Variants in ZFAT observed in about 807,000 individuals in gnomAD.
ZFAT encodes zinc finger protein ZFAT.
Under a neutral mutation model 117.7 loss-of-function variants are expected in ZFAT, and 64 were observed. The ratio of observed to expected loss-of-function variants is 0.54; its 90% CI spans 0.44 to 0.67. The LOEUF (loss-of-function observed/expected upper bound fraction) is 0.67. Among genes scored for constraint, ZFAT ranks in the 30% least tolerant of loss-of-function variants. The probability of loss-of-function intolerance (pLI) is 0.00; values close to 1 mark genes in which losing one functional copy is unlikely to be tolerated. For missense variants in ZFAT, 1,433 were observed against 1,584.5 expected (o/e 0.90, Z 1.62); for synonymous variants, 679 against 615.0 (o/e 1.10, Z -1.54).
chr8:134,658,009 C>T (rs1045408186), intron 1 of ZFAT, among the ~76,000 whole-genome samples: 2 of 152,206 alleles, frequency 1.3e-5, no homozygotes, highest in Admixed American at 6.5e-5. Context: ...ATCTACTCAT[C>T]AGCCCAGATT....
upstream of ZFAT, chr8:134,713,066 G>A (rs904409486): frequency 1.9e-6 from 1 of 538,454 alleles, no homozygotes; most frequent in Non-Finnish European, 2.9e-6. Flanking sequence ...GGGCGCAGAC[G>A]CCTGCGTAGC....
intron 1 of ZFAT, among the ~76,000 whole-genome samples, chr8:134,705,519 C>A (rs867444051): frequency 1.3e-5 from 2 of 151,608 alleles, no homozygotes; most frequent in African/African-American, 4.8e-5. Context: ...ACTCAGCCCC[C>A]AATTTATTTT....
In ZFAT at chr8:134,600,417, GCTTGGGCTTGCTA is replaced by G. The variant is rs1563654322; in HGVS notation, c.2475+6_2475+18del. On this transcript the variant is annotated splice_donor_region_variant and intron_variant, in intron 7 of 15. Transcript: ENST00000377838. ...AGCACCCAGGGGAGACGGGGCTGCC[GCTTGGGCTTGCTA>G]CTTACCAGTGCTGTGTGAACTTTAA... is the stretch of plus-strand genomic sequence containing the variant. 1 of 1,607,914 alleles carries G rather than the reference GCTTGGGCTTGCTA, an allele frequency of 6.2e-7. No homozygotes were observed. The highest frequency in any genetic ancestry group is 1.1e-5 in the South Asian group (1 of 90,938).
chr8:134,674,825 G>T, intron 1 of ZFAT: 1 of 282,282 alleles, frequency 3.5e-6, no homozygotes, highest in Non-Finnish European at 7.1e-6. Flanking sequence ...TTGTTCTGCA[G>T]CCTCCACTGG....
At chr8:134,669,402 T>C (rs969091534) in intron 1 of ZFAT, among the ~76,000 whole-genome samples, 1 of 152,072 alleles carries the variant, frequency 6.6e-6, no homozygotes, top group Non-Finnish European at 1.5e-5. Flanking sequence ...ACAACGGATC[T>C]CTCGGCGGAA....
chr8:134,676,464 C>T (rs1482015566), intron 1 of ZFAT, among the ~76,000 whole-genome samples: 1 of 152,134 alleles, frequency 6.6e-6, no homozygotes, highest in Non-Finnish European at 1.5e-5. Flanking sequence ...TAAAGACCTA[C>T]AAAGAGACTT....
the ZFAT span, among the ~76,000 whole-genome samples, chr8:134,769,735 C>T: frequency 5.8e-4 from 88 of 152,302 alleles, no homozygotes; most frequent in African/African-American, 1.4e-3. Flanking sequence ...CCATGAGCCA[C>T]GCCTCCCCCC....
At chr8:134,827,549 C>G in the ZFAT span, among the ~76,000 whole-genome samples, 1 of 152,018 alleles carries the variant, frequency 6.6e-6, no homozygotes, top group African/African-American at 2.4e-5. Context: ...GGGCGGATCA[C>G]CTGAGGTCAG....
At chr8:134,667,199 A>G (rs913202356) in intron 1 of ZFAT, among the ~76,000 whole-genome samples, 2 of 152,224 alleles carry the variant, frequency 1.3e-5, no homozygotes, top group Non-Finnish European at 1.5e-5. Flanking sequence ...GGTTTAAAAC[A>G]TAGATGACAG....
At position 134,601,688 on chromosome 8, in the gene ZFAT, G is replaced by A; in HGVS notation, c.2031C>T (p.Asn677=). ...DPDPSRCLRS[N]PAEASDLLPP... ...GGAGGAGGTCTGAGGCCTCAGCTGG[G>A]TTTGACCTGAGACACCTGCTGGGAT... The change falls in exon 6 of 16, where the codon AAC becomes AAT. Residue 677 remains asparagine (N), a synonymous_variant. Transcript: ENST00000377838. 6.2e-7 allele frequency: 1 copy of A among 1,613,848 alleles called. No individual in the cohort carries two copies. The highest frequency in any genetic ancestry group is 8.5e-7 in the Non-Finnish European group (1 of 1,179,814).
chr8:134,736,596 C>T, the ZFAT span, among the ~76,000 whole-genome samples: 2 of 152,168 alleles, frequency 1.3e-5, no homozygotes, highest in South Asian at 4.1e-4. Context: ...CTCTCTCTCT[C>T]TCCCTCTCTC....
intron 7 of ZFAT, among the ~76,000 whole-genome samples, chr8:134,595,720 T>C (rs144049933): frequency 1.2e-4 from 19 of 152,366 alleles, no homozygotes; most frequent in African/African-American, 4.6e-4. Flanking sequence ...TTGACATTAT[T>C]TAGTTACTAA....
At chr8:134,556,091 A>G (rs1823603490) in intron 11 of ZFAT, among the ~76,000 whole-genome samples, 1 of 151,262 alleles carries the variant, frequency 6.6e-6, no homozygotes, top group Non-Finnish European at 1.5e-5. Flanking sequence ...GAAGGGAGGG[A>G]AAAAGAAAAG....
chr8:134,612,866 A>G (rs964527415), intron 3 of ZFAT, among the ~76,000 whole-genome samples: 15 of 152,222 alleles, frequency 9.9e-5, no homozygotes, highest in African/African-American at 3.6e-4. Flanking sequence ...GAGGAAAACA[A>G]GTGATCTCAA....
the ZFAT span, among the ~76,000 whole-genome samples, chr8:134,805,527 A>G: frequency 6.6e-6 from 1 of 152,208 alleles, no homozygotes; most frequent in Non-Finnish European, 1.5e-5. Flanking sequence ...AAAGAGGATA[A>G]TAAAAGAAAC....
chr8:134,512,126 C>A (rs575510040), intron 14 of ZFAT, among the ~76,000 whole-genome samples: 7 of 152,330 alleles, frequency 4.6e-5, no homozygotes, highest in African/African-American at 1.7e-4. Flanking sequence ...AACCATTAAC[C>A]ATTAGCCAAC....
chr8:134,600,328 A>T, intron 7 of ZFAT, 108 bp downstream of exon 7: 2 of 1,013,020 alleles, frequency 2.0e-6, no homozygotes, highest in Non-Finnish European at 3.1e-6. Flanking sequence ...GGATCTCTCT[A>T]TGTTTTCAGG....
At chr8:134,547,698 C>G (rs1358004141) in intron 11 of ZFAT, among the ~76,000 whole-genome samples, 2 of 152,196 alleles carry the variant, frequency 1.3e-5, no homozygotes, top group African/African-American at 4.8e-5. Flanking sequence ...GTTTGCTGTG[C>G]TCAACATAAG....
chr8:134,636,275 C>G (rs1303630155), intron 3 of ZFAT, among the ~76,000 whole-genome samples: 1 of 152,114 alleles, frequency 6.6e-6, no homozygotes, highest in African/African-American at 2.4e-5. Flanking sequence ...AACTAAAGGA[C>G]CCTAAACAAA....
Sources: gnomAD v4.1 joint callset for allele counts (sites outside exome capture counted in the v4.1 genomes callset) on GRCh38, gnomAD v4.1.1 for gene constraint, MANE v1.5 for transcripts, NCBI Gene and HGNC (gene_info 2026-07-23, HGNC 2026-07-21) for gene names.